Variants in DCC observed in about 807,000 individuals in gnomAD.
DCC encodes the protein netrin receptor DCC.
In DCC, 58 loss-of-function variants were observed where a neutral mutation model predicts 172.5. The observed-to-expected ratio is 0.34, with a 90% CI of 0.27 to 0.42. The LOEUF (loss-of-function observed/expected upper bound fraction) is 0.42, where lower values mean the gene tolerates loss of function less well. Ranked by LOEUF, DCC falls within the 10% of genes least tolerant of loss-of-function variation. DCC has a pLI of 1.00. For synonymous variants in DCC, 709 were observed against 644.5 expected (o/e 1.10, Z -1.52); for missense variants, 1,740 against 1,791.0 (o/e 0.97, Z 0.51).
intron 2 of DCC, 40 bp downstream of exon 2, chr18:52,752,414 C>T: frequency 3.5e-6 from 5 of 1,448,080 alleles, no homozygotes; most frequent in Non-Finnish European, 4.9e-6. Flanking sequence ...CCTCCTTCCT[C>T]TCTTCTTCTT....
At chr18:52,861,017 A>G (rs1004482063) in intron 2 of DCC, among the ~76,000 whole-genome samples, 5 of 150,812 alleles carry the variant, frequency 3.3e-5, no homozygotes, top group Non-Finnish European at 5.9e-5. Flanking sequence ...ATTTCAAAAA[A>G]AAAAAAAAAA....
At chr18:53,416,946 T>C (rs1223882690) in intron 21 of DCC, among the ~76,000 whole-genome samples, 1 of 152,198 alleles carries the variant, frequency 6.6e-6, no homozygotes, top group Non-Finnish European at 1.5e-5. Context: ...TTTTATTTTT[T>C]TGAGGATGTT....
chr18:52,783,323 C>CTTTTTTTTTTTTTTTTTTTTTT (rs374129823), intron 2 of DCC, among the ~76,000 whole-genome samples: 6 of 59,258 alleles, frequency 1.0e-4, no homozygotes, highest in Non-Finnish European at 1.1e-4. Context: ...TACTACTACT[C>CTTTTTTTTTTTTTTTTTTTTTT]TTTTTTTTTT....
chr18:53,203,477 G>A (rs1169562235), intron 9 of DCC, among the ~76,000 whole-genome samples: 1 of 152,106 alleles, frequency 6.6e-6, no homozygotes, highest in Non-Finnish European at 1.5e-5. Context: ...AAGGTTCCAG[G>A]ACTGATGGGA....
At chr18:52,718,057 G>A (rs2036414121) in intron 1 of DCC, among the ~76,000 whole-genome samples, 1 of 152,166 alleles carries the variant, frequency 6.6e-6, no homozygotes, top group Admixed American at 6.5e-5. Context: ...ACTGCAAGGA[G>A]GCATGAGTGG....
At chr18:52,981,661 G>A (rs901707329) in intron 5 of DCC, among the ~76,000 whole-genome samples, 5 of 152,136 alleles carry the variant, frequency 3.3e-5, no homozygotes, top group African/African-American at 7.2e-5. Context: ...AATGTTCTAC[G>A]CAATCAATAA....
At chr18:53,168,894 T>C (rs573844987) in intron 8 of DCC, among the ~76,000 whole-genome samples, 1 of 152,238 alleles carries the variant, frequency 6.6e-6, no homozygotes, top group African/African-American at 2.4e-5. Context: ...TAATCTAGAA[T>C]GGCAGCTAGC....
intron 1 of DCC, among the ~76,000 whole-genome samples, chr18:52,597,490 C>T (rs772195299): frequency 2.0e-5 from 3 of 149,218 alleles, no homozygotes; most frequent in Non-Finnish European, 4.5e-5. Context: ...AATATGCGAT[C>T]ACACCAATTA....
chr18:52,427,116 C>G (rs1281347308), intron 1 of DCC, among the ~76,000 whole-genome samples: 2 of 152,034 alleles, frequency 1.3e-5, no homozygotes, highest in Non-Finnish European at 2.9e-5. Flanking sequence ...ACATTCTTAG[C>G]CCTTTCACTA....
chr18:52,676,146 C>T (rs1287688638), intron 1 of DCC, among the ~76,000 whole-genome samples: 1 of 152,162 alleles, frequency 6.6e-6, no homozygotes, highest in Non-Finnish European at 1.5e-5. Flanking sequence ...GAACAGGAAA[C>T]AGGAAGACTC....
intron 2 of DCC, among the ~76,000 whole-genome samples, chr18:52,770,716 C>A (rs1247744455): frequency 2.0e-5 from 3 of 152,030 alleles, no homozygotes; most frequent in Admixed American, 6.6e-5. Context: ...TGAAGTAATC[C>A]AATGAAAAGT....
rs372710843 is a variant in DCC, at chr18:52,658,648, T to C, written c.92-93406T>C. Among the ~76,000 whole-genome samples, 121 of 152,276 alleles carry C rather than the reference T, an allele frequency of 7.9e-4. 1 individual carries two copies. Among genetic ancestry groups the C allele is most frequent in the African/African-American group, 2.8e-3 (116 of 41,564 alleles). ...GGTCATCCCTCATCACTTTATTCTA[T>C]ACATCTCCAAGTAAGCACCCTTCAT... On this transcript the variant is annotated intron_variant, in intron 1 of 28. Coordinates refer to ENST00000442544, the MANE Select transcript of DCC (RefSeq NM_005215.4).
intron 12 of DCC, among the ~76,000 whole-genome samples, chr18:53,289,664 A>G (rs2144746293): frequency 1.3e-5 from 2 of 152,310 alleles, no homozygotes; most frequent in South Asian, 4.1e-4. Context: ...ACATTAATAA[A>G]AAAAGATCAT....
chr18:52,639,386 A>C (rs2144896687), intron 1 of DCC, among the ~76,000 whole-genome samples: 1 of 152,196 alleles, frequency 6.6e-6, no homozygotes, highest in Admixed American at 6.5e-5. Flanking sequence ...TTCCTTGAAA[A>C]GTAAGTAAAA....
rs537902516 is a variant in DCC, at chr18:53,427,480, A to G, written c.3164-7664A>G. Reference sequence around the variant, plus strand: ...GCATGAATAATAATTATAATAACTAATAAACATATTGGGCTTTAGCTGTGT... The same window carrying G: ...GCATGAATAATAATTATAATAACTAGTAAACATATTGGGCTTTAGCTGTGT... On this transcript the variant is annotated intron_variant, in intron 21 of 28. Coordinates refer to ENST00000442544, the MANE Select transcript of DCC (RefSeq NM_005215.4). Among the ~76,000 whole-genome samples, 292 of 152,188 alleles carry G rather than the reference A, an allele frequency of 1.9e-3. 2 individuals carry two copies. Among genetic ancestry groups the G allele is most frequent in the Non-Finnish European group, 2.9e-3 (197 of 68,014 alleles).
At chr18:52,378,464 T>C (rs1568140856) in intron 1 of DCC, among the ~76,000 whole-genome samples, 1 of 152,052 alleles carries the variant, frequency 6.6e-6, no homozygotes, top group Admixed American at 6.6e-5. Context: ...ATATATACAG[T>C]GGACTTTACA....
At chr18:53,300,086 T>G (rs1274326143) in intron 12 of DCC, among the ~76,000 whole-genome samples, 1 of 152,212 alleles carries the variant, frequency 6.6e-6, no homozygotes, top group Non-Finnish European at 1.5e-5. Context: ...TTTGAATATA[T>G]TCTACCAACT....
intron 12 of DCC, among the ~76,000 whole-genome samples, chr18:53,278,170 C>G (rs908664527): frequency 6.6e-6 from 1 of 151,810 alleles, no homozygotes; most frequent in Admixed American, 6.6e-5. Flanking sequence ...GCACAGTGTA[C>G]ATTAAAAAAT....
chr18:52,681,803 C>T (rs564190178), intron 1 of DCC, among the ~76,000 whole-genome samples: 1 of 152,182 alleles, frequency 6.6e-6, no homozygotes, highest in African/African-American at 2.4e-5. Flanking sequence ...ACCCTCTGTG[C>T]CATTCGTAAC....
Sources: allele counts gnomAD v4.1 joint callset (sites outside exome capture counted in the v4.1 genomes callset), GRCh38; gene constraint gnomAD v4.1.1; transcripts MANE v1.5; gene names NCBI Gene and HGNC (gene_info 2026-07-23, HGNC 2026-07-21).